NPHS1: variants seen among roughly 807,000 people sequenced by gnomAD.
NPHS1 encodes the protein nephrin.
In NPHS1, 107 loss-of-function variants were observed where a neutral mutation model predicts 139.7. The ratio of observed to expected loss-of-function variants is 0.77; its 90% CI spans 0.66 to 0.90. The LOEUF (loss-of-function observed/expected upper bound fraction) is 0.90. Ranked by LOEUF, NPHS1 falls within the 40% of genes least tolerant of loss-of-function variation. NPHS1 has a pLI of 0.00. For synonymous variants in NPHS1, 707 were observed against 706.6 expected (o/e 1.00, Z -0.01); for missense variants, 1,580 against 1,654.2 (o/e 0.96, Z 0.78).
chr19:35,851,638 G>A lies in NPHS1; in HGVS notation c.93C>T (p.Pro31=), dbSNP rs1320783012. 6.2e-7 allele frequency: 1 copy of A among 1,613,760 alleles called. No individual in the cohort carries two copies. The highest frequency in any genetic ancestry group is 1.3e-5 in the African/African-American group (1 of 74,940). The change falls in exon 2 of 29, where the codon CCC becomes CCT. Residue 31 remains proline, a synonymous_variant. Coordinates refer to ENST00000378910, the MANE Select transcript of NPHS1 (RefSeq NM_004646.4). The part of the protein sequence containing the change: ...LAQLAIPASV[P]RGFWALPENL... Reference sequence around the variant, plus strand: ...TTTCAGGCAGGGCCCAGAAGCCCCGGGGAACGGAGGCAGGAATCGCCAACT... The same window carrying A: ...TTTCAGGCAGGGCCCAGAAGCCCCGAGGAACGGAGGCAGGAATCGCCAACT...
At chr19:35,841,391 C>T (rs542606929) in intron 20 of NPHS1, among the ~76,000 whole-genome samples, 1 of 152,200 alleles carries the variant, frequency 6.6e-6, no homozygotes, top group South Asian at 2.1e-4. Flanking sequence ...ACAACAACAA[C>T]AACAACAACA....
chr19:35,848,963 C>T lies in NPHS1; in HGVS notation c.1012+13G>A, dbSNP rs758302323. Reference sequence around the variant, plus strand: ...CACAGACCGACAGGGGGGCAGCTGGCACCAGGACTCACAGGTGACCTGCAG... The same window carrying T: ...CACAGACCGACAGGGGGGCAGCTGGTACCAGGACTCACAGGTGACCTGCAG... On this transcript the variant is annotated intron_variant, in intron 8 of 28. Transcript: ENST00000378910. The T allele has an allele frequency of 1.2e-6, 2 of 1,611,516 alleles. No individual in the cohort carries two copies. Among genetic ancestry groups the T allele is most frequent in the Non-Finnish European group, 1.7e-6 (2 of 1,180,036 alleles).
intron 23 of NPHS1, among the ~76,000 whole-genome samples, chr19:35,835,115 G>A (rs79368626): frequency 5.4e-4 from 79 of 146,824 alleles, no homozygotes; most frequent in African/African-American, 1.8e-3. Context: ...CAAAAGAATC[G>A]CTTGAACCTG....
At chr19:35,835,869 T>G in intron 22 of NPHS1, 108 bp from the exon 23 acceptor site, 1 of 914,374 alleles carries the variant, frequency 1.1e-6, no homozygotes, top group Non-Finnish European at 1.8e-6. Context: ...AACTGGTATA[T>G]GACTGCTTAA....
rs930786890 is a variant in NPHS1, at chr19:35,844,312, C to T, written c.2071+7G>A. Reference sequence around the variant, plus strand: ...CCGGGACCCCTCCCCATGACCACTTCCCTCACCTGGACTGAGGCGATAGCC... The same window carrying T: ...CCGGGACCCCTCCCCATGACCACTTTCCTCACCTGGACTGAGGCGATAGCC... On this transcript the variant is annotated splice_region_variant and intron_variant, in intron 15 of 28. Coordinates refer to ENST00000378910, the MANE Select transcript of NPHS1 (RefSeq NM_004646.4). 9.9e-6 allele frequency: 16 copies of T among 1,613,904 alleles called. No homozygotes were observed. In the Admixed American group the frequency reaches 1.8e-4, roughly 18 times the overall value.
chr19:35,849,185 G>A (rs751915908), intron 7 of NPHS1, 38 bp from the exon 8 acceptor site: 2 of 1,612,796 alleles, frequency 1.2e-6, no homozygotes, highest in African/African-American at 2.7e-5. Flanking sequence ...CTCAGGACTG[G>A]CTCCCAGACC....
At position 35,842,204 on chromosome 19, in the gene NPHS1, G is replaced by A. The variant is rs1973068387; in HGVS notation, c.2583C>T (p.Leu861=). The stretch of plus-strand genomic sequence containing the variant: ...TGGGGACACCTCGGGCACGGCAGTG[G>A]AGGGTGGCAGAACTGGTGCTGTCTC... ...AAGDSTSSAT[L]HCRARGVPNI... Residue 861 remains leucine, a synonymous_variant, in exon 19 of 29, where the codon CTC becomes CTT. Coordinates refer to ENST00000378910, the MANE Select transcript of NPHS1 (RefSeq NM_004646.4). 1 of 1,612,882 alleles carries A rather than the reference G, an allele frequency of 6.2e-7. No individual in the cohort carries two copies. The highest frequency in any genetic ancestry group is 1.1e-5 in the South Asian group (1 of 90,904).
Position 35,851,471 on chromosome 19 carries a change from C to T in NPHS1, c.260G>A (p.Gly87Glu), listed in dbSNP as rs748939918. Reference sequence around the variant, plus strand: ...TGATCCCTTACCTCTAGCAGGGTCCCCTTCCAGGCGGTACCTCGGGAAGCC... The same window carrying T: ...TGATCCCTTACCTCTAGCAGGGTCCTCTTCCAGGCGGTACCTCGGGAAGCC... ...IPGFPRYRLE[G>E]DPARGEFHLH... The change falls in exon 2 of 29, where the codon GGG becomes GAG. Residue 87 changes from glycine (G) to glutamate (E), a missense_variant. Gly to Glu is a moderately conservative substitution (Grantham distance 98). Transcript: ENST00000378910. 6.2e-7 allele frequency: 1 copy of T among 1,613,520 alleles called. No homozygotes were observed. The highest frequency in any genetic ancestry group is 8.5e-7 in the Non-Finnish European group (1 of 1,179,956).
chr19:35,843,000 C>T (rs1973083468), intron 17 of NPHS1, among the ~76,000 whole-genome samples: 1 of 152,112 alleles, frequency 6.6e-6, no homozygotes, highest in African/African-American at 2.4e-5. Flanking sequence ...GACATTTACC[C>T]AGCTACCTAT....
At chr19:35,843,791 A>G in intron 16 of NPHS1, 198 bp from the exon 17 acceptor site, 1 of 687,484 alleles carries the variant, frequency 1.5e-6, no homozygotes, top group Non-Finnish European at 2.4e-6. Context: ...TGCCTCTGTG[A>G]TAATTAGAGT....
chr19:35,838,714 G>A (rs1421735410), intron 22 of NPHS1, among the ~76,000 whole-genome samples: 4 of 152,024 alleles, frequency 2.6e-5, no homozygotes, highest in Non-Finnish European at 4.4e-5. Context: ...GGGGGTGGTG[G>A]CACATGCCTG....
Position 35,839,521 on chromosome 19 carries a change from C to T in NPHS1, c.2902G>A (p.Gly968Ser). ...CTGATGCAGAACCTCTGTGGCAGGCCCCCATCAAAGCCAGGCTTCCACTCC... is the reference window on the plus strand; with the variant it reads ...CTGATGCAGAACCTCTGTGGCAGGCTCCCATCAAAGCCAGGCTTCCACTCC... ...GLEWKPGFDGGLPQRFCIRYE... is the reference protein window; with the variant it reads ...GLEWKPGFDGSLPQRFCIRYE... The change falls in exon 21 of 29, where the codon GGC (glycine) becomes AGC (serine). Residue 968 changes from glycine to serine, a missense_variant. Coordinates refer to ENST00000378910, the MANE Select transcript of NPHS1 (RefSeq NM_004646.4). The T allele has an allele frequency of 6.2e-7, 1 of 1,614,106 alleles. No individual in the cohort carries two copies. Among genetic ancestry groups the T allele is most frequent in the Non-Finnish European group, 8.5e-7 (1 of 1,179,998 alleles).
At position 35,852,062 on chromosome 19, in the gene NPHS1, T is replaced by C; in HGVS notation, c.-225A>G. Reference sequence around the variant, plus strand: ...CTCTGAGTCTCTTTCTCTGTCTCTTTAAAAAAACTTTTTTTTCTTTTTTCT... The same window carrying C: ...CTCTGAGTCTCTTTCTCTGTCTCTTCAAAAAAACTTTTTTTTCTTTTTTCT... On this transcript the variant is annotated 5_prime_UTR_variant, in exon 1 of 29. Coordinates refer to ENST00000378910, the MANE Select transcript of NPHS1 (RefSeq NM_004646.4). Among the ~76,000 whole-genome samples, 1 of 151,824 alleles carries C rather than the reference T, an allele frequency of 6.6e-6. No individual in the cohort carries two copies. Among genetic ancestry groups the C allele is most frequent in the Admixed American group, 6.6e-5 (1 of 15,262 alleles).
chr19:35,849,351 G>C lies in NPHS1; in HGVS notation c.725C>G (p.Pro242Arg). ...FTVNVLFPPG[P>R]PVIEWPGLDE... is the part of the protein sequence containing the mutation. ...CAGGCCTGGCCACTCGATGACAGGG[G>C]GTCCTGGAGGGACTGGGGGATATCA... The change falls in exon 7 of 29, where the codon CCC (proline) becomes CGC (arginine). Residue 242 changes from proline to arginine, a missense_variant. Physicochemically the swap from Pro to Arg is moderately radical, Grantham distance 103. Coordinates refer to ENST00000378910, the MANE Select transcript of NPHS1 (RefSeq NM_004646.4). 1.9e-6 allele frequency: 3 copies of C among 1,612,006 alleles called. No individual in the cohort carries two copies. Among genetic ancestry groups the C allele is most frequent in the Non-Finnish European group, 2.5e-6 (3 of 1,179,682 alleles).
At chr19:35,851,208 TA>T in intron 3 of NPHS1, 53 bp downstream of exon 3, 1 of 1,612,998 alleles carries the variant, frequency 6.2e-7, no homozygotes. Flanking sequence ...GGTTGCGGGG[TA>T]GGGGAGGGCT....
At position 35,841,664 on chromosome 19, in the gene NPHS1, A is replaced by G. The variant is rs556010645; in HGVS notation, c.2815+51T>C. 14 of 1,605,650 alleles carry G rather than the reference A, an allele frequency of 8.7e-6. No individual in the cohort carries two copies. The Admixed American group carries it at 1.5e-4, about 17-fold the overall frequency. The stretch of plus-strand genomic sequence containing the variant: ...GCCCAGGGCCAATCAGGGATGTGGG[A>G]ATGGATCCAGGGAGCACCCCCTCCC... On this transcript the variant is annotated intron_variant, in intron 20 of 28. Transcript: ENST00000378910.
Position 35,844,104 on chromosome 19 carries a change from G to A in NPHS1, c.2211C>T (p.His737=), listed in dbSNP as rs1973100227. 2 of 1,606,670 alleles carry A rather than the reference G, an allele frequency of 1.2e-6. No individual in the cohort carries two copies. The highest frequency in any genetic ancestry group is 8.5e-7 in the Non-Finnish European group (1 of 1,179,750). Residue 737 remains histidine (H), a splice_region_variant and synonymous_variant, in exon 16 of 29, where the codon CAC becomes CAT. Coordinates refer to ENST00000378910, the MANE Select transcript of NPHS1 (RefSeq NM_004646.4). ...GTTTCCATGGTGGGCGGGGCTCACA[G>A]TGCACGTCCAGCCGCAGCCGCGCTT... is the stretch of plus-strand genomic sequence containing the variant. ...TAEARLRLDV[H]YAPTIRALQD... is the part of the protein sequence containing the mutation.
chr19:35,851,596 C>T lies in NPHS1; in HGVS notation c.135G>A (p.Glu45=), dbSNP rs757545314. 1.9e-6 allele frequency: 3 copies of T among 1,613,958 alleles called. No individual in the cohort carries two copies. The highest frequency in any genetic ancestry group is 1.3e-5 in the African/African-American group (1 of 75,040). The change falls in exon 2 of 29, where the codon GAG becomes GAA. Residue 45 remains glutamate (E), a synonymous_variant. Coordinates refer to ENST00000378910, the MANE Select transcript of NPHS1 (RefSeq NM_004646.4). ...CACAACGCAGCTCCACTGAGGCCCC[C>T]TCCACCACCGTCAGGTTTTCAGGCA... is the stretch of plus-strand genomic sequence containing the variant. ...WALPENLTVV[E]GASVELRCGV... is the part of the protein sequence containing the mutation.
chr19:35,844,000 A>G, intron 16 of NPHS1, 103 bp downstream of exon 16: 1 of 1,489,000 alleles, frequency 6.7e-7, no homozygotes, highest in East Asian at 2.3e-5. Context: ...GGGTTCCAGG[A>G]TGGGTGGCTA....
Sources: gnomAD v4.1 joint callset for allele counts (sites outside exome capture counted in the v4.1 genomes callset) on GRCh38, gnomAD v4.1.1 for gene constraint, MANE v1.5 for transcripts, NCBI Gene and HGNC (gene_info 2026-07-23, HGNC 2026-07-21) for gene names.